Variants in SLIT3 observed in about 807,000 individuals in gnomAD.
SLIT3 encodes slit homolog 3 protein.
A neutral mutation model predicts 184.0 loss-of-function variants in SLIT3; 68 were observed. That is an observed-to-expected ratio of 0.37 (90% confidence interval 0.30 to 0.45). SLIT3 has a LOEUF of 0.45. Ranked by LOEUF, SLIT3 falls within the 20% of genes least tolerant of loss-of-function variation. The pLI, the probability that SLIT3 is intolerant of heterozygous loss-of-function variation, is 1.00. For missense variants in SLIT3, 1,707 were observed against 2,026.0 expected (o/e 0.84, Z 3.02); for synonymous variants, 831 against 828.6 (o/e 1.00, Z -0.05).
intron 33 of SLIT3, among the ~76,000 whole-genome samples, chr5:168,672,674 G>A (rs1761290130): frequency 6.6e-6 from 1 of 152,112 alleles, no homozygotes; most frequent in African/African-American, 2.4e-5. Context: ...AGGTCTCACT[G>A]TGTTGCCTAG....
At chr5:168,861,285 T>G (rs945392696) in intron 5 of SLIT3, among the ~76,000 whole-genome samples, 3 of 151,040 alleles carry the variant, frequency 2.0e-5, no homozygotes, top group South Asian at 2.1e-4. Context: ...GGCCCCAGTG[T>G]GTGATGTTCC....
chr5:169,137,335 C>CACAGAGAGAGAGAGAG (rs368371904), intron 4 of SLIT3, among the ~76,000 whole-genome samples: 1 of 138,554 alleles, frequency 7.2e-6, no homozygotes, highest in African/African-American at 2.8e-5. Flanking sequence ...CACACACACA[C>CACAGAGAGAGAGAGAG]AGAGAGAGAG....
intron 5 of SLIT3, among the ~76,000 whole-genome samples, chr5:168,880,847 C>T (rs1361792942): frequency 1.3e-5 from 2 of 152,164 alleles, no homozygotes; most frequent in African/African-American, 2.4e-5. Context: ...TCTGACAGCC[C>T]CTCATTACGT....
intron 10 of SLIT3, 68 bp from the exon 11 acceptor site, chr5:168,789,699 G>T: frequency 8.8e-7 from 1 of 1,135,070 alleles, no homozygotes; most frequent in Non-Finnish European, 1.3e-6. Flanking sequence ...TCCTAAGTGT[G>T]AATCAAGCAT....
At chr5:168,927,796 T>C (rs1319823074) in intron 4 of SLIT3, among the ~76,000 whole-genome samples, 1 of 152,280 alleles carries the variant, frequency 6.6e-6, no homozygotes, top group Non-Finnish European at 1.5e-5. Context: ...CCTGCAAGAA[T>C]GTCAGGGCCA....
chr5:169,014,663 A>G (rs953412972), intron 4 of SLIT3, among the ~76,000 whole-genome samples: 5 of 152,210 alleles, frequency 3.3e-5, no homozygotes, highest in Admixed American at 1.3e-4. Context: ...ATTAAGAAGC[A>G]ACCTCATGCT....
At chr5:168,760,964 GT>G in intron 15 of SLIT3, 28 bp from the exon 16 acceptor site, 2 of 1,569,006 alleles carry the variant, frequency 1.3e-6, no homozygotes, top group Non-Finnish European at 1.8e-6. Flanking sequence ...TGAGTGGTAG[GT>G]TAGCTGTGGA....
intron 4 of SLIT3, among the ~76,000 whole-genome samples, chr5:168,948,344 C>T (rs554575958): frequency 5.7e-4 from 87 of 152,170 alleles, no homozygotes; most frequent in African/African-American, 2.0e-3. Context: ...GGAGACTCAG[C>T]GAAGGAAGAG....
At chr5:169,226,213 G>A (rs1320737538) in intron 3 of SLIT3, among the ~76,000 whole-genome samples, 2 of 152,146 alleles carry the variant, frequency 1.3e-5, no homozygotes, top group Non-Finnish European at 1.5e-5. Flanking sequence ...GAGCCGGAGA[G>A]AAACCAGAGC....
At chr5:169,144,167 G>A (rs553773634) in intron 4 of SLIT3, among the ~76,000 whole-genome samples, 43 of 152,200 alleles carry the variant, frequency 2.8e-4, no homozygotes, top group South Asian at 2.1e-4. Context: ...CACTCACCTC[G>A]CCCAGCTCTG....
intron 4 of SLIT3, among the ~76,000 whole-genome samples, chr5:169,033,696 T>C (rs1216864219): frequency 6.6e-6 from 1 of 152,192 alleles, no homozygotes; most frequent in Non-Finnish European, 1.5e-5. Context: ...TGAATGATGT[T>C]GAGCACCTTT....
intron 4 of SLIT3, among the ~76,000 whole-genome samples, chr5:168,887,827 A>G (rs756824013): frequency 6.6e-5 from 10 of 152,122 alleles, no homozygotes; most frequent in Non-Finnish European, 1.0e-4. Context: ...ATTTCCTCCC[A>G]TTTAGCACTG....
At chr5:168,774,913 G>A (rs1206437521) in intron 12 of SLIT3, among the ~76,000 whole-genome samples, 1 of 152,020 alleles carries the variant, frequency 6.6e-6, no homozygotes, top group Non-Finnish European at 1.5e-5. Context: ...TGGATTCTCT[G>A]TCATACACAC....
chr5:169,159,315 A>C, intron 4 of SLIT3, among the ~76,000 whole-genome samples: 1 of 152,186 alleles, frequency 6.6e-6, no homozygotes, highest in East Asian at 1.9e-4. Context: ...AATCCCAAAT[A>C]CACAGGAGGC....
intron 3 of SLIT3, among the ~76,000 whole-genome samples, chr5:169,196,357 G>A (rs1178081043): frequency 2.0e-5 from 3 of 152,190 alleles, no homozygotes; most frequent in African/African-American, 7.2e-5. Flanking sequence ...GGGATCTGAA[G>A]CAAGCTATCT....
chr5:169,249,877 C>T (rs887093475), intron 2 of SLIT3, among the ~76,000 whole-genome samples: 2 of 152,244 alleles, frequency 1.3e-5, no homozygotes, highest in Non-Finnish European at 2.9e-5. Context: ...AGACCAAAGA[C>T]GGAGAACATG....
At chr5:169,256,695 C>G (rs1187419014) in intron 1 of SLIT3, among the ~76,000 whole-genome samples, 1 of 152,210 alleles carries the variant, frequency 6.6e-6, no homozygotes, top group Non-Finnish European at 1.5e-5. Flanking sequence ...GAACCCCATT[C>G]ACATGGCTTT....
At chr5:168,765,867 C>T (rs943559702) in intron 14 of SLIT3, among the ~76,000 whole-genome samples, 3 of 152,000 alleles carry the variant, frequency 2.0e-5, no homozygotes, top group African/African-American at 7.3e-5. Flanking sequence ...CCTCCCCTTT[C>T]GCGGGCAGCT....
chr5:169,069,266 G>A (rs1163056552), intron 4 of SLIT3, among the ~76,000 whole-genome samples: 1 of 152,242 alleles, frequency 6.6e-6, no homozygotes, highest in African/African-American at 2.4e-5. Context: ...GTCCATTGCT[G>A]CTGGGTACCA....
Sources: gnomAD v4.1 joint callset for allele counts (sites outside exome capture counted in the v4.1 genomes callset) on GRCh38, gnomAD v4.1.1 for gene constraint, MANE v1.5 for transcripts, NCBI Gene and HGNC (gene_info 2026-07-23, HGNC 2026-07-21) for gene names.